CADPS: variants seen among roughly 807,000 people sequenced by gnomAD.
CADPS encodes calcium-dependent secretion activator 1.
Under a neutral mutation model 167.3 loss-of-function variants are expected in CADPS, and 57 were observed. The ratio of observed to expected loss-of-function variants is 0.34; its 90% CI spans 0.28 to 0.42. CADPS has a LOEUF of 0.42. CADPS is among the 20% of genes least tolerant of loss of function. The pLI, the probability that CADPS is intolerant of heterozygous loss-of-function variation, is 1.00. For missense variants in CADPS, 1,414 were observed against 1,738.1 expected (o/e 0.81, Z 3.32); for synonymous variants, 676 against 635.3 (o/e 1.06, Z -0.96).
intron 1 of CADPS, among the ~76,000 whole-genome samples, chr3:62,819,591 C>A (rs2094802810): frequency 6.6e-6 from 1 of 152,160 alleles, no homozygotes; most frequent in South Asian, 2.1e-4. Context: ...TCTTTGTATA[C>A]CTGGGGCATT....
chr3:62,572,349 C>A (rs969707607), intron 8 of CADPS, among the ~76,000 whole-genome samples: 2 of 152,096 alleles, frequency 1.3e-5, no homozygotes, highest in Middle Eastern at 3.2e-3. Context: ...CTTCCCACTT[C>A]CACTATTTCA....
intron 1 of CADPS, among the ~76,000 whole-genome samples, chr3:62,829,460 C>T (rs2074669255): frequency 6.6e-6 from 1 of 152,056 alleles, no homozygotes; most frequent in African/African-American, 2.4e-5. Flanking sequence ...AAGCTATATC[C>T]TCCATGGATA....
intron 23 of CADPS, among the ~76,000 whole-genome samples, chr3:62,475,935 T>C (rs1370706567): frequency 6.6e-6 from 1 of 152,154 alleles, no homozygotes; most frequent in Non-Finnish European, 1.5e-5. Context: ...TCATAGCCCT[T>C]GGAGTGCAGG....
intron 25 of CADPS, 129 bp downstream of exon 25, chr3:62,466,210 T>C (rs1560755390): frequency 1.6e-6 from 1 of 637,878 alleles, no homozygotes; most frequent in East Asian, 2.7e-5. Context: ...GGCTGGGTGA[T>C]GTACAATCTT....
At chr3:62,622,424 A>T (rs879495196) in intron 6 of CADPS, among the ~76,000 whole-genome samples, 1 of 152,144 alleles carries the variant, frequency 6.6e-6, no homozygotes, top group Non-Finnish European at 1.5e-5. Flanking sequence ...CTAAAGCTGA[A>T]CAATCAGGCC....
At chr3:62,665,987 T>C (rs2074327629) in intron 3 of CADPS, among the ~76,000 whole-genome samples, 1 of 152,198 alleles carries the variant, frequency 6.6e-6, no homozygotes, top group Non-Finnish European at 1.5e-5. Context: ...GTTGGCTGCA[T>C]TTCTGACATG....
At chr3:62,464,073 G>C (rs1280773653) in intron 26 of CADPS, among the ~76,000 whole-genome samples, 1 of 151,870 alleles carries the variant, frequency 6.6e-6, no homozygotes, top group African/African-American at 2.4e-5. Context: ...AAAAATAATA[G>C]TTGCCATTTA....
At chr3:62,439,803 T>A (rs929989485) in intron 27 of CADPS, 7 of 152,178 alleles carry the variant, frequency 4.6e-5, no homozygotes, top group African/African-American at 1.7e-4. Flanking sequence ...GCGGCAGATC[T>A]ATCAGTAACC....
At chr3:62,777,265 T>C (rs2090529985) in intron 1 of CADPS, among the ~76,000 whole-genome samples, 1 of 152,192 alleles carries the variant, frequency 6.6e-6, no homozygotes, top group African/African-American at 2.4e-5. Context: ...GACGCTAATG[T>C]AACATTCACA....
intron 23 of CADPS, among the ~76,000 whole-genome samples, chr3:62,477,658 G>C (rs1032756688): frequency 6.6e-6 from 1 of 152,168 alleles, no homozygotes; most frequent in South Asian, 2.1e-4. Flanking sequence ...AAAAGCCACA[G>C]TGACAAAACA....
chr3:62,587,527 G>A (rs1004394456), intron 7 of CADPS, among the ~76,000 whole-genome samples: 1 of 152,184 alleles, frequency 6.6e-6, no homozygotes, highest in Admixed American at 6.5e-5. Flanking sequence ...AGAAAGGGAG[G>A]TGCTGGTAAG....
At position 62,599,654 on chromosome 3, in the gene CADPS, A is replaced by AT. The variant is rs1562703712; in HGVS notation, c.1326-6907_1326-6906insA. Among the ~76,000 whole-genome samples, 9 of 53,132 alleles carry AT rather than the reference A, an allele frequency of 1.7e-4. 1 individual carries two copies. The highest frequency in any genetic ancestry group is 1.1e-3 in the Admixed American group (3 of 2,738). 34.9% of individuals were successfully genotyped at this position (53,132 alleles called of 152,430 possible). A position where few individuals can be genotyped will look rare whatever the true frequency, so the allele number is the denominator to read the frequency against. ...ATAATAAATATAATATATAATATAT[A>AT]ATATAATATATATTATATATACAAT... On this transcript the variant is annotated intron_variant, in intron 6 of 29. Transcript: ENST00000383710.
At chr3:62,850,582 C>G (rs955392503) in intron 1 of CADPS, among the ~76,000 whole-genome samples, 1 of 139,638 alleles carries the variant, frequency 7.2e-6, no homozygotes, top group Non-Finnish European at 1.6e-5. Flanking sequence ...AGTTGAGCGG[C>G]TTTGAGTGAG....
At chr3:62,652,320 G>A (rs1265927569) in intron 4 of CADPS, among the ~76,000 whole-genome samples, 1 of 148,112 alleles carries the variant, frequency 6.8e-6, no homozygotes, top group African/African-American at 2.5e-5. Context: ...CATAGCTTAT[G>A]TCCTCTGTCC....
intron 1 of CADPS, chr3:62,796,444 C>T (rs1290231514): frequency 6.6e-6 from 1 of 152,138 alleles, no homozygotes; most frequent in African/African-American, 2.4e-5. Context: ...AAGAAGCATG[C>T]TTACAACTTC....
intron 3 of CADPS, among the ~76,000 whole-genome samples, chr3:62,729,535 G>C (rs984934014): frequency 6.6e-6 from 1 of 151,860 alleles, no homozygotes; most frequent in African/African-American, 2.4e-5. Context: ...GAAATCTCAG[G>C]TCTGCTACTC....
chr3:62,744,045 T>C (rs472365), intron 3 of CADPS, among the ~76,000 whole-genome samples: 30,299 of 152,122 alleles, frequency 0.2, 3,132 homozygotes, highest in Middle Eastern at 0.23. Flanking sequence ...ATCCAAGCTT[T>C]GTTGCTGACT....
Position 62,554,745 on chromosome 3 carries a change from A to G in CADPS, c.1753+2660T>C, listed in dbSNP as rs536515724. On this transcript the variant is annotated intron_variant, in intron 10 of 29. Coordinates refer to ENST00000383710, the MANE Select transcript of CADPS (RefSeq NM_003716.4). ...ATGGGGCCCAGGAACATTTATTTTT[A>G]ATAATTACTTTTTTGTTGTTTGTTT... 2.6e-5 allele frequency among the ~76,000 whole-genome samples: 4 copies of G among 152,100 alleles called. No individual in the cohort carries two copies. The South Asian group carries it at 8.3e-4, about 32-fold the overall frequency.
At chr3:62,475,306 T>C (rs939988345) in intron 23 of CADPS, among the ~76,000 whole-genome samples, 2 of 152,158 alleles carry the variant, frequency 1.3e-5, no homozygotes, top group Non-Finnish European at 2.9e-5. Context: ...GGTGATATCA[T>C]CAAATGTCTT....
Sources: allele counts gnomAD v4.1 joint callset (sites outside exome capture counted in the v4.1 genomes callset), GRCh38; gene constraint gnomAD v4.1.1; transcripts MANE v1.5; gene names NCBI Gene and HGNC (gene_info 2026-07-23, HGNC 2026-07-21).